ZNF790: variants seen among roughly 807,000 people sequenced by gnomAD.
ZNF790 encodes the protein zinc finger protein 790.
Under a neutral mutation model 12.1 loss-of-function variants are expected in ZNF790, and 8 were observed. That is an observed-to-expected ratio of 0.66 (90% CI 0.39 to 1.19). ZNF790 has a LOEUF of 1.19. Ranked by LOEUF, ZNF790 falls within the 50% of genes most tolerant of loss-of-function variation. The pLI is 0.01. For synonymous variants in ZNF790, 252 were observed against 244.3 expected (o/e 1.03, Z -0.29); for missense variants, 707 against 752.2 (o/e 0.94, Z 0.70).
In ZNF790 at chr19:36,823,695, C is replaced by A; in HGVS notation, c.105G>T (p.Leu35Phe). The A allele has an allele frequency of 6.2e-7, 1 of 1,610,182 alleles. No homozygotes were observed. Among genetic ancestry groups the A allele is most frequent in the Non-Finnish European group, 8.5e-7 (1 of 1,179,174 alleles). ...EQRDLYRDVMLENYSNMVSLG... is the reference protein window; with the variant it reads ...EQRDLYRDVMFENYSNMVSLG... ...GTGAGACCATGTTGCTGTAGTTCTC[C>A]AACATCACATCTCTATATAAATCCC... Residue 35 changes from leucine to phenylalanine, a missense_variant, in exon 3 of 5, where the codon TTG becomes TTT. Transcript: ENST00000356725.
chr19:36,845,047 CA>C (rs10611049), intron 1 of ZNF790, among the ~76,000 whole-genome samples: 239 of 34,888 alleles, frequency 6.9e-3, no homozygotes, highest in African/African-American at 0.015. Context: ...GACTCCGTCT[CA>C]AAAAAAAAAA....
chr19:36,829,718 C>T (rs1024718729), intron 1 of ZNF790, among the ~76,000 whole-genome samples: 1 of 152,164 alleles, frequency 6.6e-6, no homozygotes, highest in Non-Finnish European at 1.5e-5. Context: ...CAGGCATGTA[C>T]CACTATGCCC....
chr19:36,827,141 C>CACACATATATAT (rs1313807327), intron 1 of ZNF790, among the ~76,000 whole-genome samples: 9 of 84,440 alleles, frequency 1.1e-4, no homozygotes, highest in African/African-American at 3.3e-4. Context: ...CACACACACA[C>CACACATATATAT]ATATATATAT....
chr19:36,823,293 G>A lies in ZNF790; in HGVS notation c.221C>T (p.Pro74Leu), dbSNP rs746343996. ...WKILRDETRG[P>L]CPDMQSRCQT... is the part of the protein sequence containing the mutation. ...GTTCAGCCCTCACTCACCTGGGCAA[G>A]GTCCTCTTGTCTCATCCCTCAAAAT... Residue 74 changes from proline (P) to leucine (L), a missense_variant, in exon 4 of 5, where the codon CCT becomes CTT. Pro to Leu is a moderately conservative substitution (Grantham distance 98). Transcript: ENST00000356725. The A allele has an allele frequency of 6.2e-7, 1 of 1,613,952 alleles. No individual in the cohort carries two copies. Among genetic ancestry groups the A allele is most frequent in the Non-Finnish European group, 8.5e-7 (1 of 1,179,928 alleles).
chr19:36,824,141 C>T lies in ZNF790; in HGVS notation c.10-351G>A, dbSNP rs897072620. The stretch of plus-strand genomic sequence containing the variant: ...CCTCCCAAGTAGCTGGGACTACAGG[C>T]GCCCGCTACCACGCCCGGCAAATTT... On this transcript the variant is annotated intron_variant, in intron 2 of 4. Coordinates refer to ENST00000356725, the MANE Select transcript of ZNF790 (RefSeq NM_206894.4). Among the ~76,000 whole-genome samples the T allele has an allele frequency of 3.3e-5, 5 of 151,480 alleles. 1 individual carries two copies. The highest frequency in any genetic ancestry group is 4.2e-4 in the South Asian group (2 of 4,786).
chr19:36,834,713 A>G (rs1338046742), intron 1 of ZNF790, among the ~76,000 whole-genome samples: 12 of 152,192 alleles, frequency 7.9e-5, no homozygotes, highest in Admixed American at 6.5e-4. Flanking sequence ...GAATAACCCA[A>G]TAGAAATGCA....
At chr19:36,837,326 C>T (rs1328101264) in intron 1 of ZNF790, among the ~76,000 whole-genome samples, 1 of 152,200 alleles carries the variant, frequency 6.6e-6, no homozygotes, top group Admixed American at 6.5e-5. Context: ...CTAACAGAAA[C>T]TAGGCTGTAT....
chr19:36,848,546 T>G (rs1026091495), intron 1 of ZNF790, among the ~76,000 whole-genome samples: 1 of 152,174 alleles, frequency 6.6e-6, no homozygotes, highest in Non-Finnish European at 1.5e-5. Context: ...TGTACAGGAA[T>G]GTGATGCTGG....
chr19:36,842,274 C>G (rs991561591), upstream of ZNF790, among the ~76,000 whole-genome samples: 1 of 152,058 alleles, frequency 6.6e-6, no homozygotes, highest in Admixed American at 6.5e-5. Flanking sequence ...CAAAACTCAA[C>G]AAGTAAACAA....
At chr19:36,822,299 A>G (rs2071691322) in intron 4 of ZNF790, among the ~76,000 whole-genome samples, 1 of 152,200 alleles carries the variant, frequency 6.6e-6, no homozygotes, top group Non-Finnish European at 1.5e-5. Context: ...AACTGAATGA[A>G]GAATTTTACG....
At chr19:36,823,588 T>C in intron 3 of ZNF790, 79 bp downstream of exon 3, 1 of 1,552,006 alleles carries the variant, frequency 6.4e-7, no homozygotes. Context: ...GGTCAGAAGT[T>C]ACCCTGGACA....
At chr19:36,840,406 G>A (rs1256606540), upstream of ZNF790, among the ~76,000 whole-genome samples, 1 of 152,200 alleles carries the variant, frequency 6.6e-6, no homozygotes, top group Non-Finnish European at 1.5e-5. Flanking sequence ...TTCTTTCCCA[G>A]TAAATTTATA....
intron 1 of ZNF790, among the ~76,000 whole-genome samples, chr19:36,847,172 G>A (rs1600676874): frequency 2.6e-5 from 4 of 152,032 alleles, no homozygotes; most frequent in Admixed American, 2.0e-4. Flanking sequence ...TGGCCAACAT[G>A]GTGAAACCCT....
chr19:36,819,301 GT>G lies in ZNF790; in HGVS notation c.1042del (p.Thr348LeufsTer6). On this transcript the variant is annotated frameshift_variant, in exon 5 of 5. Transcript: ENST00000356725. LOFTEE classifies it low-confidence loss of function (END_TRUNC). ...ATGCTGAGTTAGGTGTGATCCACGAGTAAAAGCTTTCCCACACTCCTTACAT... is the reference window on the plus strand; with the variant it reads ...ATGCTGAGTTAGGTGTGATCCACGAGAAAAGCTTTCCCACACTCCTTACAT... Reference protein sequence around the residue: ...YECKECGKAFTRGSHLTQHQR... With the variant: ...YECKECGKAFXRGSHLTQHQR... The G allele has an allele frequency of 6.2e-7, 1 of 1,610,790 alleles. No homozygotes were observed. The highest frequency in any genetic ancestry group is 8.5e-7 in the Non-Finnish European group (1 of 1,178,174).
rs2071621635 is a variant in ZNF790, at chr19:36,819,622, A to G, written c.722T>C (p.Leu241Pro). Residue 241 changes from leucine (L) to proline (P), a missense_variant, in exon 5 of 5, where the codon CTT becomes CCT. By Grantham distance (98) the Leu-to-Pro change is moderately conservative (BLOSUM62 -3). Coordinates refer to ENST00000356725, the MANE Select transcript of ZNF790 (RefSeq NM_206894.4). ...CGKSFSLRSS[L>P]TGHKRIHTGE... The stretch of plus-strand genomic sequence containing the variant: ...GGTATGAATTCTCTTATGACCAGTA[A>G]GACTCGAACGTAAACTAAAAGACTT... 6.2e-7 allele frequency: 1 copy of G among 1,607,364 alleles called. No individual in the cohort carries two copies. The highest frequency in any genetic ancestry group is 1.1e-5 in the South Asian group (1 of 90,616).
At chr19:36,829,558 C>T (rs1390415846) in intron 1 of ZNF790, among the ~76,000 whole-genome samples, 1 of 152,040 alleles carries the variant, frequency 6.6e-6, no homozygotes, top group Non-Finnish European at 1.5e-5. Flanking sequence ...GGGTTGTTTC[C>T]ACCTTTTGAC....
In ZNF790 at chr19:36,819,006, C is replaced by T. The variant is rs759604368; in HGVS notation, c.1338G>A (p.Glu446=). ...YLAQHEKIHN[E]RKSYECKECG... ...ATTCCTTACATTCATAGGATTTCCT[C>T]TCATTGTGAATTTTCTCATGTTGAG... The change falls in exon 5 of 5, where the codon GAG becomes GAA. Residue 446 remains glutamate (E), a synonymous_variant. Transcript: ENST00000356725. 5 of 1,613,800 alleles carry T rather than the reference C, an allele frequency of 3.1e-6. No individual in the cohort carries two copies. The South Asian group carries it at 5.5e-5, about 18-fold the overall frequency.
intron 1 of ZNF790, among the ~76,000 whole-genome samples, chr19:36,847,681 T>C (rs1333047505): frequency 2.0e-5 from 3 of 148,426 alleles, no homozygotes; most frequent in East Asian, 2.0e-4. Context: ...ACTGGGGAGA[T>C]GGAGGTTGCA....
chr19:36,837,423 T>A (rs2072068362), intron 1 of ZNF790, among the ~76,000 whole-genome samples: 1 of 152,138 alleles, frequency 6.6e-6, no homozygotes, highest in Non-Finnish European at 1.5e-5. Context: ...GCCGGCCTCC[T>A]TGTTGTTCAC....
Sources: allele counts gnomAD v4.1 joint callset (sites outside exome capture counted in the v4.1 genomes callset), GRCh38; gene constraint gnomAD v4.1.1; transcripts MANE v1.5; gene names NCBI Gene and HGNC (gene_info 2026-07-23, HGNC 2026-07-21).